Variants in TOM1 observed in about 807,000 individuals in gnomAD.
The protein encoded by TOM1 is target of Myb protein 1.
TOM1 carries 38 observed loss-of-function variants against 61.3 expected under a neutral mutation model. The ratio of observed to expected loss-of-function variants is 0.62; its 90% CI spans 0.48 to 0.81. The LOEUF (loss-of-function observed/expected upper bound fraction) is 0.81. Ranked by LOEUF, TOM1 falls within the 40% of genes least tolerant of loss-of-function variation. The probability of loss-of-function intolerance (pLI) is 0.00; values close to 1 mark genes in which losing one functional copy is unlikely to be tolerated. For missense variants in TOM1, 591 were observed against 659.6 expected (o/e 0.90, Z 1.14); for synonymous variants, 270 against 268.8 (o/e 1.00, Z -0.04).
At chr22:35,345,877 A>G in intron 13 of TOM1, 93 bp downstream of exon 13, 2 of 1,305,048 alleles carry the variant, frequency 1.5e-6, no homozygotes, top group Non-Finnish European at 2.2e-6. Context: ...CTTATATAGC[A>G]TATAGCACCC....
rs1389413804 is a variant in TOM1, at chr22:35,321,995, C to T, written c.174C>T (p.Ile58=). 2.5e-6 allele frequency: 4 copies of T among 1,614,154 alleles called. No homozygotes were observed. The highest frequency in any genetic ancestry group is 2.2e-5 in the South Asian group (2 of 91,082). Residue 58 remains isoleucine (I), a synonymous_variant, in exon 3 of 15, where the codon ATC becomes ATT. Transcript: ENST00000449058. Reference sequence around the variant, plus strand: ...CCCTCCGAGCAGTAAAGAAGAGAATCGTGGGGAATAAGAACTTCCACGAGG... The same window carrying T: ...CCCTCCGAGCAGTAAAGAAGAGAATTGTGGGGAATAAGAACTTCCACGAGG... ...KDALRAVKKR[I]VGNKNFHEVM...
rs747268467 is a variant in TOM1 at position 35,323,205 on chromosome 22, G to T, written c.366+28G>T. The T allele has an allele frequency of 6.2e-7, 1 of 1,609,962 alleles. No homozygotes were observed. The highest frequency in any genetic ancestry group is 1.7e-5 in the Admixed American group (1 of 59,730). ...GAGTGCCAGGACAGGGCAGGGCACG[G>T]CCAGGAAGAGCTGTCAGTGCAGGAG... On this transcript the variant is annotated intron_variant, in intron 4 of 14. Transcript: ENST00000449058. This position sits in a 1 kb window ranked among gnomAD's most constrained non-coding sequence, Gnocchi z 4.2.
chr22:35,332,182 C>T (rs941737373), intron 8 of TOM1, among the ~76,000 whole-genome samples: 4 of 152,154 alleles, frequency 2.6e-5, no homozygotes, highest in African/African-American at 9.7e-5. Context: ...CCTAGCTTCT[C>T]CTGCTCGTTG....
At chr22:35,300,643 T>C (rs896430379) in intron 1 of TOM1, among the ~76,000 whole-genome samples, 3 of 152,064 alleles carry the variant, frequency 2.0e-5, no homozygotes, top group Non-Finnish European at 4.4e-5. Context: ...CGGTGCTCCG[T>C]AGGTGGGGCA....
chr22:35,308,458 A>G (rs1468221131), intron 1 of TOM1, among the ~76,000 whole-genome samples: 1 of 151,368 alleles, frequency 6.6e-6, no homozygotes, highest in African/African-American at 2.4e-5. Flanking sequence ...TAATTTTTAT[A>G]TTTTTTGTAG....
At chr22:35,303,453 T>A (rs1440369605) in intron 1 of TOM1, among the ~76,000 whole-genome samples, 2 of 151,706 alleles carry the variant, frequency 1.3e-5, no homozygotes, top group Non-Finnish European at 2.9e-5. Context: ...TGTGAGTGTA[T>A]GGAAACATTA....
chr22:35,341,822 C>T (rs1048648483), intron 12 of TOM1, among the ~76,000 whole-genome samples: 2 of 152,196 alleles, frequency 1.3e-5, no homozygotes, highest in African/African-American at 4.8e-5. Context: ...ACTGATTTAT[C>T]TCCGATAACC....
chr22:35,334,525 CA>C, intron 11 of TOM1, 77 bp downstream of exon 11: 2 of 1,547,136 alleles, frequency 1.3e-6, no homozygotes, highest in Non-Finnish European at 1.8e-6. Flanking sequence ...TTTATGGTGG[CA>C]CACCATGAGG....
chr22:35,321,666 T>C (rs929265627), intron 2 of TOM1: 32 of 499,002 alleles, frequency 6.4e-5, no homozygotes, highest in African/African-American at 5.4e-4. Flanking sequence ...CCCAAAGTCC[T>C]GGGATTACAG....
chr22:35,324,000 C>T lies in TOM1; in HGVS notation c.648+86C>T, dbSNP rs1033391055. ...GGGCCCCCTGTCAGAATTTACCATC[C>T]ACGGAGCCTCCACTTCTTCCTCACA... is the stretch of plus-strand genomic sequence containing the variant. On this transcript the variant is annotated intron_variant, in intron 6 of 14. Coordinates refer to ENST00000449058, the MANE Select transcript of TOM1 (RefSeq NM_005488.3). The surrounding 1 kb of genome is among the most constrained non-coding windows in gnomAD (Gnocchi z 4.2). 4 of 1,461,804 alleles carry T rather than the reference C, an allele frequency of 2.7e-6. No individual in the cohort carries two copies. Among genetic ancestry groups the T allele is most frequent in the Non-Finnish European group, 2.7e-6 (3 of 1,091,858 alleles). 90.6% of individuals were successfully genotyped at this position (1,461,804 alleles called of 1,614,324 possible).
In TOM1 at chr22:35,330,491, C is replaced by T. The variant is rs1329734505; in HGVS notation, c.899+11C>T. On this transcript the variant is annotated intron_variant, in intron 8 of 14. Coordinates refer to ENST00000449058, the MANE Select transcript of TOM1 (RefSeq NM_005488.3). ...CCTGCGCCATGAACGGTAGCCCCAG[C>T]ACCTCCCCTGGCCTCTGGCCTACTG... The T allele has an allele frequency of 1.2e-6, 2 of 1,606,190 alleles. No homozygotes were observed. Among genetic ancestry groups the T allele is most frequent in the Admixed American group, 3.4e-5 (2 of 59,412 alleles).
rs746720662 is a variant in TOM1, at chr22:35,323,615, C to T, written c.486C>T (p.Ile162=). 2.5e-6 allele frequency: 4 copies of T among 1,614,034 alleles called. No homozygotes were observed. Among genetic ancestry groups the T allele is most frequent in the Non-Finnish European group, 2.5e-6 (3 of 1,180,046 alleles). ...PMTDLDMLSP[I]HTPQRTVFNS... Reference sequence around the variant, plus strand: ...CTGACCTGGACATGCTGTCACCCATCCACACACCCCAGAGGGTGAGAGAAC... The same window carrying T: ...CTGACCTGGACATGCTGTCACCCATTCACACACCCCAGAGGGTGAGAGAAC... The change falls in exon 5 of 15, where the codon ATC becomes ATT. Residue 162 remains isoleucine, a synonymous_variant. Coordinates refer to ENST00000449058, the MANE Select transcript of TOM1 (RefSeq NM_005488.3). The surrounding 1 kb of genome is among the most constrained non-coding windows in gnomAD (Gnocchi z 4.2).
chr22:35,320,277 G>T (rs918924279), intron 2 of TOM1, among the ~76,000 whole-genome samples: 3 of 152,194 alleles, frequency 2.0e-5, no homozygotes, highest in African/African-American at 7.2e-5. Flanking sequence ...GGATGTGGAG[G>T]TCAGGAGCCT....
chr22:35,299,678 G>A (rs1044789636), upstream of TOM1: 4 of 491,424 alleles, frequency 8.1e-6, no homozygotes, highest in Non-Finnish European at 1.5e-5. Flanking sequence ...CGCGCTTCCC[G>A]GGCCCCGACC....
intron 12 of TOM1, among the ~76,000 whole-genome samples, chr22:35,343,305 C>G (rs62654769): frequency 0.038 from 2,279 of 59,414 alleles, 3 homozygotes; most frequent in Middle Eastern, 0.094. Context: ...ACACACCACA[C>G]CTACACACCC....
In TOM1 at chr22:35,299,964, A is replaced by T; in HGVS notation, c.36A>T (p.Pro12=). 1 of 1,580,268 alleles carries T rather than the reference A, an allele frequency of 6.3e-7. No homozygotes were observed. Among genetic ancestry groups the T allele is most frequent in the South Asian group, 1.1e-5 (1 of 87,054 alleles). The change falls in exon 1 of 15, where the codon CCA becomes CCT. Residue 12 remains proline, a synonymous_variant. Coordinates refer to ENST00000449058, the MANE Select transcript of TOM1 (RefSeq NM_005488.3). Reference sequence around the variant, plus strand: ...TCCTGGGGAACCCGTTCAGCTCTCCAGTGGGACAGCGCATCGGTGAGTCCC... The same window carrying T: ...TCCTGGGGAACCCGTTCAGCTCTCCTGTGGGACAGCGCATCGGTGAGTCCC... ...DFLLGNPFSS[P]VGQRIEKATD... is the part of the protein sequence containing the mutation.
intron 8 of TOM1, among the ~76,000 whole-genome samples, chr22:35,331,093 CT>C (rs773623729): frequency 0.034 from 4,284 of 127,130 alleles, 169 homozygotes; most frequent in African/African-American, 0.12. Context: ...ACCTGTCCAC[CT>C]TTTTTTTTTT....
Position 35,346,946 on chromosome 22 carries a change from A to AGCCTAAGGGGGTC in TOM1, c.1302_1314dup (p.Thr439AlafsTer2). 1 of 1,612,750 alleles carries AGCCTAAGGGGGTC rather than the reference A, an allele frequency of 6.2e-7. No homozygotes were observed. Among genetic ancestry groups the AGCCTAAGGGGGTC allele is most frequent in the Non-Finnish European group, 8.5e-7 (1 of 1,179,556 alleles). ...CCTTCCCAGGGTAATGATGCGGAAG[A>AGCCTAAGGGGGTC]GCCTAAGGGGGTCACCAGCGAAGGT... On this transcript the variant is annotated frameshift_variant, in exon 14 of 15. Coordinates refer to ENST00000449058, the MANE Select transcript of TOM1 (RefSeq NM_005488.3). LOFTEE classifies it high-confidence loss of function.
chr22:35,325,607 G>T (rs1394997414), intron 6 of TOM1, among the ~76,000 whole-genome samples: 2 of 152,174 alleles, frequency 1.3e-5, no homozygotes, highest in Non-Finnish European at 2.9e-5. Context: ...GCATGTTTAT[G>T]TAAAATTAAA....
Sources: gnomAD v4.1 joint callset for allele counts (sites outside exome capture counted in the v4.1 genomes callset) on GRCh38, gnomAD v4.1.1 for gene constraint, Gnocchi (gnomAD v3.1) non-coding constraint, MANE v1.5 for transcripts, NCBI Gene and HGNC (gene_info 2026-07-23, HGNC 2026-07-21) for gene names.